ARHGEF10L: variants seen among roughly 807,000 people sequenced by gnomAD.
The protein encoded by ARHGEF10L is rho guanine nucleotide exchange factor 10-like protein.
ARHGEF10L carries 69 observed loss-of-function variants against 141.2 expected under a neutral mutation model. The observed-to-expected ratio is 0.49, with a 90% CI of 0.40 to 0.60. The LOEUF (loss-of-function observed/expected upper bound fraction) is 0.60, where lower values mean the gene tolerates loss of function less well. Among genes scored for constraint, ARHGEF10L ranks in the 20% least tolerant of loss-of-function variants. The pLI is 0.00. For synonymous variants in ARHGEF10L, 711 were observed against 718.5 expected (o/e 0.99, Z 0.17); for missense variants, 1,482 against 1,734.3 (o/e 0.85, Z 2.58).
intron 6 of ARHGEF10L, among the ~76,000 whole-genome samples, chr1:17,606,640 C>G (rs556424213): frequency 1.3e-5 from 2 of 151,874 alleles, no homozygotes; most frequent in East Asian, 3.9e-4. Context: ...ACAAAAAAAC[C>G]CTTCCCAATG....
At chr1:17,556,906 C>T (rs1234484781) in intron 1 of ARHGEF10L, among the ~76,000 whole-genome samples, 1 of 152,140 alleles carries the variant, frequency 6.6e-6, no homozygotes, top group Non-Finnish European at 1.5e-5. Context: ...CCTATAGTCC[C>T]AGCTAATCAG....
At chr1:17,549,122 G>T (rs866845070) in intron 1 of ARHGEF10L, among the ~76,000 whole-genome samples, 1 of 148,774 alleles carries the variant, frequency 6.7e-6, no homozygotes, top group Non-Finnish European at 1.5e-5. Context: ...TCCTGGGTTC[G>T]AGCGATTCTC....
chr1:17,513,670 G>T, the ARHGEF10L span, among the ~76,000 whole-genome samples: 3 of 152,246 alleles, frequency 2.0e-5, no homozygotes, highest in East Asian at 5.8e-4. Context: ...GATGATTCTC[G>T]CATGGGTCAG....
intron 1 of ARHGEF10L, among the ~76,000 whole-genome samples, chr1:17,568,075 C>T (rs1413924949): frequency 6.6e-6 from 1 of 152,142 alleles, no homozygotes; most frequent in African/African-American, 2.4e-5. Context: ...GGGGCTGCCT[C>T]CTAAGCCTTG....
At chr1:17,694,366 G>A (rs2065330065) in intron 27 of ARHGEF10L, 2 of 157,404 alleles carry the variant, frequency 1.3e-5, no homozygotes, top group African/African-American at 4.8e-5. Flanking sequence ...GCAGAGCCAA[G>A]GTGTGAATCC....
chr1:17,666,333 G>T (rs1291091801), intron 26 of ARHGEF10L, among the ~76,000 whole-genome samples: 4 of 152,220 alleles, frequency 2.6e-5, no homozygotes, highest in African/African-American at 9.6e-5. Context: ...CTCTTCCTGG[G>T]TGCTGGGAAG....
At chr1:17,582,638 C>T (rs780764095) in intron 2 of ARHGEF10L, among the ~76,000 whole-genome samples, 2 of 152,212 alleles carry the variant, frequency 1.3e-5, no homozygotes, top group Non-Finnish European at 2.9e-5. Flanking sequence ...CTTGTCAGGC[C>T]TTTTCTCATC....
At chr1:17,565,545 C>T (rs2077716336) in intron 1 of ARHGEF10L, among the ~76,000 whole-genome samples, 1 of 152,198 alleles carries the variant, frequency 6.6e-6, no homozygotes, top group Non-Finnish European at 1.5e-5. Flanking sequence ...TTCTGCAGCC[C>T]CCAGGTCTCC....
chr1:17,547,900 AGGCTGTGT>A (rs1413712059), intron 1 of ARHGEF10L, among the ~76,000 whole-genome samples: 1 of 152,044 alleles, frequency 6.6e-6, no homozygotes, highest in African/African-American at 2.4e-5. Flanking sequence ...ACAAAGGGAG[AGGCTGTGT>A]TGGGTTCTGG....
intron 27 of ARHGEF10L, among the ~76,000 whole-genome samples, chr1:17,689,371 C>T (rs1003102928): frequency 5.3e-5 from 8 of 151,574 alleles, no homozygotes; most frequent in Admixed American, 3.3e-4. Context: ...GGCAGGTGCC[C>T]GATGAGACTG....
chr1:17,674,966 C>A (rs1000176174), intron 26 of ARHGEF10L, among the ~76,000 whole-genome samples: 8 of 152,136 alleles, frequency 5.3e-5, no homozygotes, highest in Admixed American at 5.2e-4. Context: ...CCTAATGATG[C>A]CTTTCTCAGA....
At chr1:17,683,658 C>T (rs1163135824) in intron 26 of ARHGEF10L, among the ~76,000 whole-genome samples, 1 of 152,166 alleles carries the variant, frequency 6.6e-6, no homozygotes, top group Non-Finnish European at 1.5e-5. Flanking sequence ...AGGTGCTGTG[C>T]TGTTCTCCCT....
intron 2 of ARHGEF10L, among the ~76,000 whole-genome samples, chr1:17,582,604 C>T (rs1046567319): frequency 6.6e-6 from 1 of 152,246 alleles, no homozygotes; most frequent in Non-Finnish European, 1.5e-5. Context: ...TGGCCTCTGC[C>T]TGGAATCCAC....
intron 16 of ARHGEF10L, 74 bp from the exon 17 acceptor site, chr1:17,634,474 G>T (rs1427106637): frequency 1.2e-6 from 2 of 1,612,018 alleles, no homozygotes; most frequent in African/African-American, 2.7e-5. Flanking sequence ...CTGGCCCCCA[G>T]CGGGGTCACA....
At chr1:17,684,784 A>G (rs2064424178) in intron 26 of ARHGEF10L, among the ~76,000 whole-genome samples, 1 of 152,098 alleles carries the variant, frequency 6.6e-6, no homozygotes, top group African/African-American at 2.4e-5. Context: ...CCCCTGTTCC[A>G]AGAGCAGCCT....
At chr1:17,541,078 T>A (rs1192941093) in intron 1 of ARHGEF10L, among the ~76,000 whole-genome samples, 1 of 152,174 alleles carries the variant, frequency 6.6e-6, no homozygotes, top group Non-Finnish European at 1.5e-5. Context: ...AGAACCCTCC[T>A]GTAAGGAAGG....
intron 26 of ARHGEF10L, among the ~76,000 whole-genome samples, chr1:17,665,851 G>A (rs982950843): frequency 6.6e-6 from 1 of 152,152 alleles, no homozygotes. Flanking sequence ...AGCATCTGTG[G>A]ACAGCAAGCT....
chr1:17,621,765 TG>T lies in ARHGEF10L; in HGVS notation c.943-96del. ...GGTCCCAGGTGGGACCTGGGAGGGA[TG>T]GGTTTCTCTGTCCTATAGTTGTCAG... On this transcript the variant is annotated intron_variant, in intron 10 of 28. Coordinates refer to ENST00000361221, the MANE Select transcript of ARHGEF10L (RefSeq NM_018125.4). This position sits in a 1 kb window ranked among gnomAD's most constrained non-coding sequence, Gnocchi z 4.1. 4 of 1,085,380 alleles carry T rather than the reference TG, an allele frequency of 3.7e-6. No individual in the cohort carries two copies. Among genetic ancestry groups the T allele is most frequent in the Non-Finnish European group, 5.6e-6 (4 of 708,738 alleles). The allele number at this position is 1,085,380 out of a possible 1,614,324, so 67.2% of individuals were successfully genotyped here.
rs919004781 is a variant in ARHGEF10L, at chr1:17,573,288, C to T, written c.-43-7265C>T. Among the ~76,000 whole-genome samples the T allele has an allele frequency of 2.0e-5, 3 of 152,176 alleles. No homozygotes were observed. Among genetic ancestry groups the T allele is most frequent in the South Asian group, 2.1e-4 (1 of 4,832 alleles). ...GCGAGGACGCCCAGCAGCTGGGAGG[C>T]GGGCATCCCTGTTGTAGGTGGGGAA... On this transcript the variant is annotated intron_variant, in intron 1 of 28. Transcript: ENST00000361221. The surrounding 1 kb of genome is among the most constrained non-coding windows in gnomAD (Gnocchi z 4.8).
Sources: gnomAD v4.1 joint callset for allele counts (sites outside exome capture counted in the v4.1 genomes callset) on GRCh38, gnomAD v4.1.1 for gene constraint, Gnocchi (gnomAD v3.1) non-coding constraint, MANE v1.5 for transcripts, NCBI Gene and HGNC (gene_info 2026-07-23, HGNC 2026-07-21) for gene names.